IKBKE: variants seen among roughly 807,000 people sequenced by gnomAD.
IKBKE encodes inhibitor of nuclear factor kappa-B kinase subunit epsilon.
In IKBKE, 45 loss-of-function variants were observed where a neutral mutation model predicts 92.1. That is an observed-to-expected ratio of 0.49 (90% CI 0.38 to 0.63). The LOEUF (loss-of-function observed/expected upper bound fraction) is 0.63. Ranked by LOEUF, IKBKE falls within the 20% of genes least tolerant of loss-of-function variation. IKBKE has a pLI of 0.00. For missense variants in IKBKE, 700 were observed against 932.8 expected, an observed-to-expected ratio of 0.75 and a Z score of 3.25; for synonymous variants, 374 against 380.3, an observed-to-expected ratio of 0.98 and a Z score of 0.19.
chr1:206,478,486 T>C lies in IKBKE; in HGVS notation c.992+147T>C. The stretch of plus-strand genomic sequence containing the variant: ...CCAAACGTAGTTGGGAAAAGACTAG[T>C]TCTACAAAGTTAAAGCTAAACAGGT... On this transcript the variant is annotated intron_variant, in intron 9 of 21. Transcript: ENST00000581977. This position sits in a 1 kb window ranked among gnomAD's most constrained non-coding sequence, Gnocchi z 4.8. 1 of 812,516 alleles carries C rather than the reference T, an allele frequency of 1.2e-6. No homozygotes were observed. Among genetic ancestry groups the C allele is most frequent in the Non-Finnish European group, 2.0e-6 (1 of 503,316 alleles). 50.3% of individuals were successfully genotyped at this position (812,516 alleles called of 1,614,324 possible). A position where few individuals can be genotyped will look rare whatever the true frequency, so the allele number is the denominator to read the frequency against.
intron 5 of IKBKE, among the ~76,000 whole-genome samples, chr1:206,475,410 T>C (rs980551277): frequency 3.3e-5 from 5 of 151,894 alleles, no homozygotes; most frequent in Non-Finnish European, 4.4e-5. Context: ...CAGAGGAGAA[T>C]GAGGAGTTGT....
At position 206,476,911 on chromosome 1, in the gene IKBKE, G is replaced by A. The variant is rs1665097900; in HGVS notation, c.701+73G>A. 1 of 1,537,568 alleles carries A rather than the reference G, an allele frequency of 6.5e-7. No homozygotes were observed. The stretch of plus-strand genomic sequence containing the variant: ...GGCCCTTCCCCCACCGGTCCTTGCT[G>A]TGTCTTCTGGTCCCCTCACACTCCA... On this transcript the variant is annotated intron_variant, in intron 7 of 21. Transcript: ENST00000581977. The surrounding 1 kb of genome is among the most constrained non-coding windows in gnomAD (Gnocchi z 5.1).
At chr1:206,482,484 G>A (rs1454877816) in intron 13 of IKBKE, among the ~76,000 whole-genome samples, 3 of 152,194 alleles carry the variant, frequency 2.0e-5, no homozygotes, top group Non-Finnish European at 2.9e-5. Context: ...CCTGGTGTCC[G>A]CTGGCTGCTG....
intron 13 of IKBKE, among the ~76,000 whole-genome samples, chr1:206,481,662 A>G (rs1448907886): frequency 6.7e-6 from 1 of 148,812 alleles, no homozygotes; most frequent in East Asian, 2.0e-4. Context: ...CTTCCTCCGG[A>G]GCAGCTAGCC....
chr1:206,475,753 AT>A (rs2103453130), intron 5 of IKBKE, among the ~76,000 whole-genome samples: 1 of 151,488 alleles, frequency 6.6e-6, no homozygotes, highest in East Asian at 1.9e-4. Flanking sequence ...AAAAAAAAAA[AT>A]TGGAGAATGA....
At chr1:206,480,559 G>C (rs1553386825) in intron 13 of IKBKE, 26 bp downstream of exon 13, 1 of 1,541,318 alleles carries the variant, frequency 6.5e-7, no homozygotes. Flanking sequence ...AGGCCAGCTG[G>C]GACCTCTCAG....
chr1:206,477,964 G>T (rs1203255172), intron 8 of IKBKE, 105 bp downstream of exon 8: 1 of 934,794 alleles, frequency 1.1e-6, no homozygotes. Flanking sequence ...TTCCGGGCAT[G>T]CTGCAGGCTT....
rs145306712 is a variant in IKBKE, at chr1:206,479,888, A to G, written c.1202A>G (p.Lys401Arg). 30 of 1,613,902 alleles carry G rather than the reference A, an allele frequency of 1.9e-5. No individual in the cohort carries two copies. The highest frequency in any genetic ancestry group is 2.2e-5 in the East Asian group (1 of 44,800). The change falls in exon 11 of 22, where the codon AAG (lysine) becomes AGG (arginine). Residue 401 changes from lysine to arginine, a missense_variant. Physicochemically the swap from Lys to Arg is conservative, Grantham distance 26. Transcript: ENST00000581977. ...TCTGCAGCTGCTCTGGACGTCCCCA[A>G]GTTCGTCCCCAAAGTGGACCTGCAG... ...AFRDPALDVP[K>R]FVPKVDLQAD...
At chr1:206,484,800 A>C (rs1269374714) in intron 13 of IKBKE, among the ~76,000 whole-genome samples, 197 bp from the exon 14 acceptor site, 1 of 152,142 alleles carries the variant, frequency 6.6e-6, no homozygotes, top group East Asian at 1.9e-4. Flanking sequence ...AATACTCAAC[A>C]ATGTCACAAC....
rs868989114 is a variant in IKBKE at position 206,478,370 on chromosome 1, G to C, written c.992+31G>C. ...TGGGGGCGAGGGAGGGAAGCGGTGA[G>C]AACCTTCTCTACCCAAGCAGCAGTG... On this transcript the variant is annotated intron_variant, in intron 9 of 21. Transcript: ENST00000581977. This position sits in a 1 kb window ranked among gnomAD's most constrained non-coding sequence, Gnocchi z 4.8. The C allele has an allele frequency of 1.2e-6, 2 of 1,602,404 alleles. No individual in the cohort carries two copies. Among genetic ancestry groups the C allele is most frequent in the Middle Eastern group, 1.7e-4 (1 of 6,052 alleles).
Position 206,493,239 on chromosome 1 carries a change from G to T in IKBKE, c.1933-27G>T, listed in dbSNP as rs1553391122. 9.4e-6 allele frequency: 15 copies of T among 1,601,324 alleles called. No homozygotes were observed. In the Admixed American group the frequency reaches 2.0e-4, roughly 21 times the overall value. On this transcript the variant is annotated intron_variant, in intron 19 of 21. Coordinates refer to ENST00000581977, the MANE Select transcript of IKBKE (RefSeq NM_014002.4). ...GCCACACATAAGCTGGCTACTAATT[G>T]CTGACCAAAGTATGGCTTCCCTGCA... is the stretch of plus-strand genomic sequence containing the variant.
chr1:206,473,632 C>G (rs539809877), intron 3 of IKBKE, among the ~76,000 whole-genome samples: 13 of 152,252 alleles, frequency 8.5e-5, no homozygotes, highest in Admixed American at 3.3e-4. Flanking sequence ...ATTTATCCTG[C>G]GAGAATGTAT....
rs782183853 is a variant in IKBKE at position 206,493,360 on chromosome 1, G to C, written c.2027G>C (p.Arg676Pro). 1 of 1,613,452 alleles carries C rather than the reference G, an allele frequency of 6.2e-7. No homozygotes were observed. The highest frequency in any genetic ancestry group is 1.1e-5 in the South Asian group (1 of 91,068). The change falls in exon 20 of 22, where the codon CGA becomes CCA. Residue 676 changes from arginine (R) to proline (P), a missense_variant. Physicochemically the swap from Arg to Pro is moderately radical, Grantham distance 103. Coordinates refer to ENST00000581977, the MANE Select transcript of IKBKE (RefSeq NM_014002.4). Reference protein sequence around the residue: ...PPIAPYPSPTRKDLLLHMQEL... With the variant: ...PPIAPYPSPTPKDLLLHMQEL... ...ATAGCTCCTTACCCCAGCCCTACAC[G>C]AAAGGACCTGCTTCTCCAGTAAGTG...
rs782222872 is a variant in IKBKE at position 206,490,981 on chromosome 1, TTG to T, written c.1733+124_1733+125del. 30 of 917,330 alleles carry T rather than the reference TTG, an allele frequency of 3.3e-5. No homozygotes were observed. The highest frequency in any genetic ancestry group is 5.1e-5 in the Non-Finnish European group (29 of 563,862). The allele number at this position is 917,330 out of a possible 1,614,324, so 56.8% of individuals were successfully genotyped here. A position where few individuals can be genotyped will look rare whatever the true frequency, so the allele number is the denominator to read the frequency against. ...TGTCCCGGACTGCAGCTGAGCAGAG[TTG>T]GGGATAACAGGTTATCTGGGGCCAG... is the stretch of plus-strand genomic sequence containing the variant. On this transcript the variant is annotated intron_variant, in intron 17 of 21. Coordinates refer to ENST00000581977, the MANE Select transcript of IKBKE (RefSeq NM_014002.4). This position sits in a 1 kb window ranked among gnomAD's most constrained non-coding sequence, Gnocchi z 5.2.
chr1:206,474,445 G>A lies in IKBKE; in HGVS notation c.202G>A (p.Val68Ile), dbSNP rs781937364. The A allele has an allele frequency of 3.2e-5, 51 of 1,613,918 alleles. No individual in the cohort carries two copies. The East Asian group carries it at 6.0e-4, about 19-fold the overall frequency. Residue 68 changes from valine to isoleucine, a missense_variant, in exon 4 of 22, where the codon GTC (valine) becomes ATC (isoleucine). Coordinates refer to ENST00000581977, the MANE Select transcript of IKBKE (RefSeq NM_014002.4). Reference sequence around the variant, plus strand: ...GCGGAAGCTGAACCACCAGAACATTGTCAAGCTCTTTGCGGTGGAGGAGAC... The same window carrying A: ...GCGGAAGCTGAACCACCAGAACATTATCAAGCTCTTTGCGGTGGAGGAGAC... ...VLRKLNHQNI[V>I]KLFAVEETGG...
chr1:206,475,470 C>T (rs1220877692), intron 5 of IKBKE, among the ~76,000 whole-genome samples: 2 of 152,170 alleles, frequency 1.3e-5, no homozygotes, highest in African/African-American at 4.8e-5. Flanking sequence ...TGCAGTGGCT[C>T]ATGCCTGTAA....
In IKBKE at chr1:206,478,368, G is replaced by C. The variant is rs1553386079; in HGVS notation, c.992+29G>C. The C allele has an allele frequency of 1.2e-6, 2 of 1,604,100 alleles. No homozygotes were observed. On this transcript the variant is annotated intron_variant, in intron 9 of 21. Coordinates refer to ENST00000581977, the MANE Select transcript of IKBKE (RefSeq NM_014002.4). This position sits in a 1 kb window ranked among gnomAD's most constrained non-coding sequence, Gnocchi z 4.8. ...AGTGGGGGCGAGGGAGGGAAGCGGT[G>C]AGAACCTTCTCTACCCAAGCAGCAG...
intron 4 of IKBKE, 29 bp downstream of exon 4, chr1:206,474,500 T>C (rs1553384668): frequency 1.3e-6 from 2 of 1,597,516 alleles, no homozygotes; most frequent in Non-Finnish European, 1.7e-6. Context: ...CAGAGAATGG[T>C]CTTGTCCTTG....
intron 13 of IKBKE, among the ~76,000 whole-genome samples, chr1:206,483,760 A>G (rs768425136): frequency 6.6e-5 from 10 of 152,226 alleles, no homozygotes; most frequent in Non-Finnish European, 1.0e-4. Flanking sequence ...ATATTTTTCT[A>G]CTATGAGTAA....
Sources: gnomAD v4.1 joint callset for allele counts (sites outside exome capture counted in the v4.1 genomes callset) on GRCh38, gnomAD v4.1.1 for gene constraint, Gnocchi (gnomAD v3.1) non-coding constraint, MANE v1.5 for transcripts, NCBI Gene and HGNC (gene_info 2026-07-23, HGNC 2026-07-21) for gene names.